Variants in ZDHHC17 observed in about 807,000 individuals in gnomAD.
ZDHHC17 encodes the protein zDHHC palmitoyltransferase 17.
ZDHHC17 carries 40 observed loss-of-function variants against 90.3 expected under a neutral mutation model. The observed-to-expected ratio is 0.44, with a 90% CI of 0.34 to 0.58. ZDHHC17 has a LOEUF of 0.58. ZDHHC17 is among the 20% of genes least tolerant of loss of function. The probability of loss-of-function intolerance (pLI) is 0.01; values close to 1 mark genes in which losing one functional copy is unlikely to be tolerated. For missense variants in ZDHHC17, 614 were observed against 780.8 expected, an observed-to-expected ratio of 0.79 and a Z score of 2.55; for synonymous variants, 235 against 252.4, an observed-to-expected ratio of 0.93 and a Z score of 0.65.
intron 5 of ZDHHC17, 64 bp from the exon 6 acceptor site, chr12:76,815,082 C>A: frequency 8.3e-7 from 1 of 1,209,634 alleles, no homozygotes; most frequent in Admixed American, 2.3e-5. Flanking sequence ...TAGATTTTTC[C>A]AAGCAAATTT....
chr12:76,836,095 T>C (rs968592619), intron 10 of ZDHHC17, among the ~76,000 whole-genome samples: 2 of 151,952 alleles, frequency 1.3e-5, no homozygotes, highest in African/African-American at 4.8e-5. Context: ...ATGTTACTAG[T>C]TTTGCGTGTA....
chr12:76,764,147 C>T lies in ZDHHC17; in HGVS notation c.-90C>T, dbSNP rs560949042. The stretch of plus-strand genomic sequence containing the variant: ...GGGCAGGAGAAGAAGGAGGAGGAGG[C>T]CCGCGTCGCCTCCGGCGGGGCTCGC... On this transcript the variant is annotated 5_prime_UTR_variant, in exon 1 of 17. Coordinates refer to ENST00000426126, the MANE Select transcript of ZDHHC17 (RefSeq NM_015336.4). The T allele has an allele frequency of 1.1e-3, 1,139 of 1,033,464 alleles. 11 individuals carry two copies. In the South Asian group the frequency reaches 0.016, roughly 14 times the overall value. The allele number at this position is 1,033,464 out of a possible 1,614,324, so 64.0% of individuals were successfully genotyped here. A position where few individuals can be genotyped will look rare whatever the true frequency, so the allele number is the denominator to read the frequency against.
At chr12:76,802,629 T>G (rs150135606) in intron 2 of ZDHHC17, among the ~76,000 whole-genome samples, 27 of 152,366 alleles carry the variant, frequency 1.8e-4, no homozygotes, top group Admixed American at 3.3e-4. Context: ...TCTTTTTTCT[T>G]TCTGCTCCTC....
intron 12 of ZDHHC17, 37 bp downstream of exon 12, chr12:76,843,018 TC>T (rs1449907805): frequency 6.4e-7 from 1 of 1,555,420 alleles, no homozygotes; most frequent in African/African-American, 1.4e-5. Context: ...TCCCTTCTCT[TC>T]CTCCTGACAG....
intron 10 of ZDHHC17, among the ~76,000 whole-genome samples, chr12:76,836,380 T>G (rs1953363174): frequency 6.6e-6 from 1 of 152,104 alleles, no homozygotes; most frequent in Non-Finnish European, 1.5e-5. Flanking sequence ...ATTTCTTTTC[T>G]TTTAAAATGT....
chr12:76,764,422 T>A, intron 1 of ZDHHC17, 93 bp downstream of exon 1: 1 of 1,222,468 alleles, frequency 8.2e-7, no homozygotes, highest in Non-Finnish European at 1.1e-6. Context: ...GTGTGTGGGG[T>A]AGTGGGACGT....
At chr12:76,779,997 T>G (rs1952603962) in intron 1 of ZDHHC17, among the ~76,000 whole-genome samples, 2 of 152,206 alleles carry the variant, frequency 1.3e-5, no homozygotes. Context: ...GGTCTTCTGT[T>G]TCATTGATTT....
chr12:76,833,468 G>C (rs1953328346), intron 10 of ZDHHC17, among the ~76,000 whole-genome samples: 1 of 152,126 alleles, frequency 6.6e-6, no homozygotes, highest in South Asian at 2.1e-4. Flanking sequence ...CTGGAAAACA[G>C]TTTGGAAGCC....
chr12:76,775,003 A>T (rs572542937), intron 1 of ZDHHC17, among the ~76,000 whole-genome samples: 6 of 152,056 alleles, frequency 3.9e-5, no homozygotes, highest in African/African-American at 1.4e-4. Context: ...TTTTTTTTAT[A>T]TTTTTAGTAG....
chr12:76,831,911 G>A (rs1477752), intron 10 of ZDHHC17, among the ~76,000 whole-genome samples: 91,195 of 152,094 alleles, frequency 0.6, 27,397 homozygotes, highest in East Asian at 0.67. Context: ...CTCCCAAAGT[G>A]CTGGGATTAC....
intron 13 of ZDHHC17, chr12:76,846,244 GTTTACCTC>G: frequency 3.9e-6 from 1 of 255,886 alleles, no homozygotes; most frequent in Non-Finnish European, 7.4e-6. Context: ...TACAAAGATT[GTTTACCTC>G]TGTTGAAGAG....
chr12:76,770,433 A>G (rs189602535), intron 1 of ZDHHC17, among the ~76,000 whole-genome samples: 1 of 152,312 alleles, frequency 6.6e-6, no homozygotes, highest in Admixed American at 6.5e-5. Flanking sequence ...ACCCTTTGCT[A>G]GGCTCCGAAG....
intron 2 of ZDHHC17, among the ~76,000 whole-genome samples, chr12:76,798,531 T>C (rs902868136): frequency 4.7e-5 from 7 of 149,888 alleles, no homozygotes; most frequent in African/African-American, 1.5e-4. Context: ...GGCAATAGAA[T>C]GAGACCCTGT....
intron 1 of ZDHHC17, among the ~76,000 whole-genome samples, chr12:76,778,283 C>T (rs984589610): frequency 6.6e-6 from 1 of 152,178 alleles, no homozygotes; most frequent in Non-Finnish European, 1.5e-5. Flanking sequence ...TTTCAGCTCA[C>T]TGCAACCTCT....
At chr12:76,771,146 A>AATATTATATT (rs1411272995) in intron 1 of ZDHHC17, among the ~76,000 whole-genome samples, 1 of 152,154 alleles carries the variant, frequency 6.6e-6, no homozygotes, top group African/African-American at 2.4e-5. Flanking sequence ...GATTCAAGAC[A>AATATTATATT]ATATTATATT....
chr12:76,808,175 C>G (rs1392654610), intron 3 of ZDHHC17, among the ~76,000 whole-genome samples: 1 of 152,106 alleles, frequency 6.6e-6, no homozygotes, highest in Non-Finnish European at 1.5e-5. Context: ...AAATGCATTA[C>G]TGATCTAGAG....
intron 1 of ZDHHC17, among the ~76,000 whole-genome samples, chr12:76,771,697 T>C (rs1409434847): frequency 6.6e-6 from 1 of 152,106 alleles, no homozygotes; most frequent in East Asian, 1.9e-4. Flanking sequence ...AAGGATTTAA[T>C]GAGGTATGAA....
intron 2 of ZDHHC17, 84 bp downstream of exon 2, chr12:76,797,621 GA>G: frequency 2.8e-6 from 3 of 1,087,002 alleles, no homozygotes; most frequent in Non-Finnish European, 3.9e-6. Context: ...ATTACTTTGG[GA>G]AAAACATCAG....
chr12:76,778,578 C>T (rs937617079), intron 1 of ZDHHC17, among the ~76,000 whole-genome samples: 22 of 152,122 alleles, frequency 1.4e-4, no homozygotes, highest in Non-Finnish European at 2.2e-4. Flanking sequence ...AGATAACTTA[C>T]GTTAGATCTA....
Sources: gnomAD v4.1 joint callset for allele counts (sites outside exome capture counted in the v4.1 genomes callset) on GRCh38, gnomAD v4.1.1 for gene constraint, MANE v1.5 for transcripts, NCBI Gene and HGNC (gene_info 2026-07-23, HGNC 2026-07-21) for gene names.